Variants in GPC3 observed in about 807,000 individuals in gnomAD.
The protein encoded by GPC3 is glypican 3.
Under a neutral mutation model 34.4 loss-of-function variants are expected in GPC3, and 3 were observed. The ratio of observed to expected loss-of-function variants is 0.09; its 90% CI spans 0.04 to 0.23. The LOEUF (loss-of-function observed/expected upper bound fraction) is 0.23. Among genes scored for constraint, GPC3 ranks in the 10% least tolerant of loss-of-function variants. GPC3 has a pLI of 1.00. For missense variants in GPC3, 351 were observed against 445.6 expected, an observed-to-expected ratio of 0.79 and a Z score of 1.91; for synonymous variants, 177 against 174.0, an observed-to-expected ratio of 1.02 and a Z score of -0.13.
At chrX:133,848,655 A>C (rs5977924) in intron 2 of GPC3, among the ~76,000 whole-genome samples, 13,883 of 111,117 alleles carry the variant, frequency 0.12, 1,657 homozygotes, top group African/African-American at 0.37. Flanking sequence ...CAAAGGCACA[A>C]CCTTCCTTTA....
intron 1 of GPC3, among the ~76,000 whole-genome samples, chrX:133,957,601 TA>T (rs1430562469): frequency 1.8e-5 from 2 of 111,212 alleles, no homozygotes; most frequent in African/African-American, 3.3e-5. Flanking sequence ...GAAGAAAAAC[TA>T]AAACCAAAAG....
chrX:133,658,968 A>ACT (rs891134746), intron 6 of GPC3, among the ~76,000 whole-genome samples: 3 of 111,686 alleles, frequency 2.7e-5, no homozygotes, highest in African/African-American at 9.8e-5. Flanking sequence ...GAAGAATTAG[A>ACT]CTCGCAGAAA....
At chrX:133,706,785 G>A (rs1272708161) in intron 3 of GPC3, among the ~76,000 whole-genome samples, 1 of 111,530 alleles carries the variant, frequency 9.0e-6, no homozygotes, top group Non-Finnish European at 1.9e-5. Flanking sequence ...CACTGCAGAG[G>A]GGAGTTTGGA....
intron 3 of GPC3, among the ~76,000 whole-genome samples, chrX:133,709,178 G>GA (rs772482680): frequency 1.8e-5 from 2 of 111,530 alleles, no homozygotes; most frequent in South Asian, 3.7e-4. Context: ...ATCCAACTTA[G>GA]AAAAAAAAGT....
intron 2 of GPC3, among the ~76,000 whole-genome samples, chrX:133,852,518 T>C (rs1403033939): frequency 1.8e-5 from 2 of 112,104 alleles, no homozygotes; most frequent in Non-Finnish European, 3.8e-5. Flanking sequence ...ATTCTAAACG[T>C]TTAAAATCCT....
chrX:133,975,438 T>G (rs1312652285), intron 1 of GPC3, among the ~76,000 whole-genome samples: 2 of 111,963 alleles, frequency 1.8e-5, no homozygotes, highest in African/African-American at 6.5e-5. Flanking sequence ...GCCCCCTCTT[T>G]TTTTTTTGAG....
intron 2 of GPC3, among the ~76,000 whole-genome samples, chrX:133,803,445 G>A (rs992157917): frequency 2.7e-5 from 3 of 111,961 alleles, no homozygotes; most frequent in Non-Finnish European, 5.6e-5. Context: ...CATGGCCATT[G>A]CAAAGGATTC....
At chrX:133,767,739 A>G (rs1176012108) in intron 2 of GPC3, among the ~76,000 whole-genome samples, 1 of 110,974 alleles carries the variant, frequency 9.0e-6, no homozygotes, top group African/African-American at 3.3e-5. Flanking sequence ...CCACCACCAC[A>G]GGGACTCCAG....
At chrX:133,927,358 T>C (rs866380634) in intron 2 of GPC3, among the ~76,000 whole-genome samples, 1 of 110,913 alleles carries the variant, frequency 9.0e-6, no homozygotes, top group East Asian at 2.8e-4. Context: ...AGTGAGTGTG[T>C]GCATATTTAT....
chrX:133,587,430 A>G (rs747968507), intron 7 of GPC3, among the ~76,000 whole-genome samples: 1 of 112,070 alleles, frequency 8.9e-6, no homozygotes, highest in East Asian at 2.8e-4. Context: ...TCTCTTCAAT[A>G]TATTGGTTTC....
At chrX:133,803,978 CCACACACACA>C (rs10571712) in intron 2 of GPC3, among the ~76,000 whole-genome samples, 1 of 94,292 alleles carries the variant, frequency 1.1e-5, no homozygotes, top group Non-Finnish European at 2.1e-5. Context: ...TGAGATAAAT[CCACACACACA>C]CACACACACA....
At chrX:133,762,749 C>A in intron 2 of GPC3, 1 of 423,645 alleles carries the variant, frequency 2.4e-6, no homozygotes, top group Non-Finnish European at 4.2e-6. Context: ...GGGGTCCATA[C>A]AGCGTTTTTC....
chrX:133,655,484 ACACACACACACACACACACACC>A (rs1199412009), intron 6 of GPC3, among the ~76,000 whole-genome samples: 1 of 107,606 alleles, frequency 9.3e-6, no homozygotes, highest in South Asian at 4.1e-4. Flanking sequence ...ACCCACACAC[ACACACACACACACACACACACC>A]CACACACACA....
At chrX:133,663,972 C>A (rs966203160) in intron 5 of GPC3, among the ~76,000 whole-genome samples, 1 of 111,670 alleles carries the variant, frequency 9.0e-6, no homozygotes, top group Non-Finnish European at 1.9e-5. Flanking sequence ...TCTAAACAGG[C>A]CAAAGAAGCC....
intron 2 of GPC3, among the ~76,000 whole-genome samples, chrX:133,823,316 G>A (rs2075730131): frequency 9.1e-6 from 1 of 109,517 alleles, no homozygotes; most frequent in African/African-American, 3.3e-5. Context: ...TGTATCCAGT[G>A]AAATATCTTT....
At chrX:133,933,119 A>T (rs2076305893) in intron 2 of GPC3, among the ~76,000 whole-genome samples, 1 of 111,287 alleles carries the variant, frequency 9.0e-6, no homozygotes, top group Admixed American at 9.6e-5. Context: ...ATTAAAGCTC[A>T]ACAAACATTT....
At chrX:133,624,852 C>T (rs752651781) in intron 6 of GPC3, among the ~76,000 whole-genome samples, 2 of 106,833 alleles carry the variant, frequency 1.9e-5, no homozygotes, top group Non-Finnish European at 3.9e-5. Flanking sequence ...GGCAGTGACA[C>T]AACAAAAAAA....
intron 7 of GPC3, among the ~76,000 whole-genome samples, chrX:133,558,031 A>G (rs2069506159): frequency 9.0e-6 from 1 of 110,963 alleles, no homozygotes; most frequent in Non-Finnish European, 1.9e-5. Flanking sequence ...ATCCGGTCGG[A>G]CAGCAATTTC....
At chrX:133,658,838 A>T (rs1317042767) in intron 6 of GPC3, among the ~76,000 whole-genome samples, 1 of 112,055 alleles carries the variant, frequency 8.9e-6, no homozygotes, top group African/African-American at 3.2e-5. Context: ...ACATCTCCCT[A>T]CCTGTCAGCT....
Sources: allele counts gnomAD v4.1 joint callset (sites outside exome capture counted in the v4.1 genomes callset), GRCh38; gene constraint gnomAD v4.1.1; transcripts MANE v1.5; gene names NCBI Gene and HGNC (gene_info 2026-07-23, HGNC 2026-07-21).